Variants in ESR2 observed in about 807,000 individuals in gnomAD.
The protein encoded by ESR2 is estrogen receptor beta.
Under a neutral mutation model 49.6 loss-of-function variants are expected in ESR2, and 36 were observed. The ratio of observed to expected loss-of-function variants is 0.73; its 90% CI spans 0.56 to 0.96. The LOEUF (loss-of-function observed/expected upper bound fraction) is 0.96. ESR2 is among the 40% of genes least tolerant of loss of function. The pLI, the probability that ESR2 is intolerant of heterozygous loss-of-function variation, is 0.00. For synonymous variants in ESR2, 320 were observed against 266.1 expected, an observed-to-expected ratio of 1.20 and a Z score of -1.97; for missense variants, 714 against 693.0, an observed-to-expected ratio of 1.03 and a Z score of -0.34.
At chr14:64,235,302 C>G (rs2140619778) in intron 7 of ESR2, 152 bp from the exon 8 acceptor site, 8 of 747,398 alleles carry the variant, frequency 1.1e-5, no homozygotes, top group South Asian at 9.7e-5. Flanking sequence ...CTTACCTCCC[C>G]CAGGGGATCT....
At chr14:64,241,563 C>T (rs2075729512) in intron 7 of ESR2, among the ~76,000 whole-genome samples, 1 of 152,182 alleles carries the variant, frequency 6.6e-6, no homozygotes, top group Non-Finnish European at 1.5e-5. Flanking sequence ...CCATTAACAT[C>T]TCTCTCCATT....
At chr14:64,307,116 C>A (rs757745780) in intron 1 of ESR2, among the ~76,000 whole-genome samples, 1 of 151,354 alleles carries the variant, frequency 6.6e-6, no homozygotes, top group Non-Finnish European at 1.5e-5. Flanking sequence ...TGTAGGTTAT[C>A]TCCTTCATTC....
intron 3 of ESR2, among the ~76,000 whole-genome samples, chr14:64,270,606 G>A (rs2076424501): frequency 2.0e-5 from 3 of 152,128 alleles, no homozygotes; most frequent in Admixed American, 1.3e-4. Flanking sequence ...TGCCCCCCGG[G>A]TTCAAGTGAT....
downstream of ESR2, chr14:64,227,546 G>T (rs141329819): frequency 6.2e-7 from 1 of 1,614,182 alleles, no homozygotes; most frequent in Admixed American, 1.7e-5. Flanking sequence ...CTGCTCCATC[G>T]TTGCTTCAGG....
At position 64,234,991 on chromosome 14, in the gene ESR2, A is replaced by G. The variant is rs375446581; in HGVS notation, c.1385T>C (p.Leu462Pro). ...SMRLANLLMLLSHVRHASNKG... is the reference protein window; with the variant it reads ...SMRLANLLMLPSHVRHASNKG... ...GTACCTCGCATGCCTGACGTGGGAC[A>G]GGAGCATCAGGAGGTTAGCCAGGCG... Residue 462 changes from leucine (L) to proline (P), a missense_variant, in exon 8 of 9, where the codon CTG (leucine) becomes CCG (proline). Transcript: ENST00000341099. The G allele has an allele frequency of 2.0e-5, 32 of 1,614,112 alleles. No individual in the cohort carries two copies. The highest frequency in any genetic ancestry group is 4.5e-5 in the East Asian group (2 of 44,904).
intron 1 of ESR2, among the ~76,000 whole-genome samples, chr14:64,305,487 A>G (rs28560770): frequency 0.041 from 6,062 of 148,436 alleles, 212 homozygotes; most frequent in African/African-American, 0.097. Flanking sequence ...TGGCTAACAC[A>G]GTGAAACCCC....
chr14:64,314,877 C>CAAAAA (rs1179436563), intron 1 of ESR2, among the ~76,000 whole-genome samples: 4 of 20,486 alleles, frequency 2.0e-4, no homozygotes, highest in East Asian at 1.6e-3. Flanking sequence ...GACTCCGTCT[C>CAAAAA]AAAAAAAAAA....
chr14:64,261,232 C>CTTTCT (rs1555577156), intron 4 of ESR2, among the ~76,000 whole-genome samples: 179 of 88,650 alleles, frequency 2.0e-3, no homozygotes, highest in East Asian at 0.014. Flanking sequence ...TTTTATTTTT[C>CTTTCT]TTTTTTCTTT....
In ESR2 at chr14:64,235,082, C is replaced by T. The variant is rs377196538; in HGVS notation, c.1294G>A (p.Ala432Thr). Residue 432 changes from alanine (A) to threonine (T), a missense_variant, in exon 8 of 9, where the codon GCC becomes ACC. Coordinates refer to ENST00000341099, the MANE Select transcript of ESR2 (RefSeq NM_001437.3). ...SSRKLAHLLN[A>T]VTDALVWVIA... ...ACCCAAACCAAAGCATCGGTCACGG[C>T]GTTCAGCAAGTGAGCCAGCTTCCGG... The T allele has an allele frequency of 4.8e-5, 77 of 1,614,094 alleles. No homozygotes were observed. The African/African-American group carries it at 6.7e-4, about 14-fold the overall frequency.
At position 64,228,541 on chromosome 14, in the gene ESR2, G is replaced by A. The variant is rs776328301; in HGVS notation, c.*4596C>T. Among the ~76,000 whole-genome samples the A allele has an allele frequency of 9.2e-5, 14 of 152,172 alleles. No individual in the cohort carries two copies. Among genetic ancestry groups the A allele is most frequent in the African/African-American group, 1.4e-4 (6 of 41,426 alleles). On this transcript the variant is annotated 3_prime_UTR_variant, in exon 9 of 9. Transcript: ENST00000341099. ...ATTAGTGTAATGATACAAAGCATTCGTCTGAGAAAATGGCAAATTATAGCC... is the reference window on the plus strand; with the variant it reads ...ATTAGTGTAATGATACAAAGCATTCATCTGAGAAAATGGCAAATTATAGCC...
intron 7 of ESR2, among the ~76,000 whole-genome samples, chr14:64,248,195 A>G (rs2075906810): frequency 1.3e-5 from 2 of 151,968 alleles, no homozygotes; most frequent in African/African-American, 4.8e-5. Context: ...CCCTGTCTCA[A>G]AAAGAAAAGT....
chr14:64,258,013 T>C (rs2076139283), intron 5 of ESR2, among the ~76,000 whole-genome samples: 1 of 151,950 alleles, frequency 6.6e-6, no homozygotes, highest in Non-Finnish European at 1.5e-5. Context: ...ACCCAGGAGT[T>C]TGAGACCAGC....
chr14:64,241,462 A>T (rs2075727622), intron 7 of ESR2, among the ~76,000 whole-genome samples: 1 of 152,216 alleles, frequency 6.6e-6, no homozygotes, highest in African/African-American at 2.4e-5. Context: ...ACATGATTTT[A>T]AGAATCAGCT....
chr14:64,297,609 A>T (rs1295748586), upstream of ESR2: 1 of 152,186 alleles, frequency 6.6e-6, no homozygotes, highest in Admixed American at 6.5e-5. Context: ...CATAACACCC[A>T]CCTAGCACAA....
chr14:64,266,202 T>C (rs1171050939), intron 4 of ESR2, among the ~76,000 whole-genome samples: 5 of 152,240 alleles, frequency 3.3e-5, no homozygotes, highest in African/African-American at 1.2e-4. Flanking sequence ...AAAGCTCATA[T>C]GAGTTTTTCA....
intron 4 of ESR2, among the ~76,000 whole-genome samples, chr14:64,262,128 T>TTTA (rs533416647): frequency 7.6e-5 from 11 of 145,564 alleles, no homozygotes; most frequent in Middle Eastern, 3.5e-3. Context: ...TTTTTTTTTT[T>TTTA]AAGAGACAAG....
intron 2 of ESR2, among the ~76,000 whole-genome samples, chr14:64,280,910 T>C (rs1286620009): frequency 6.6e-6 from 1 of 152,116 alleles, no homozygotes; most frequent in Non-Finnish European, 1.5e-5. Context: ...CTTTGGAGGA[T>C]GAAGCAGGAG....
chr14:64,237,046 C>T (rs756172922), intron 7 of ESR2, among the ~76,000 whole-genome samples: 6 of 151,928 alleles, frequency 3.9e-5, no homozygotes, highest in Non-Finnish European at 5.9e-5. Flanking sequence ...CTGCAACCTC[C>T]GCCTCCCGGT....
upstream of ESR2, among the ~76,000 whole-genome samples, chr14:64,294,970 C>A (rs542982848): frequency 1.3e-5 from 2 of 152,328 alleles, no homozygotes; most frequent in East Asian, 3.9e-4. Flanking sequence ...CCGGCCACGG[C>A]GCCCTTCTCC....
Sources: gnomAD v4.1 joint callset for allele counts (sites outside exome capture counted in the v4.1 genomes callset) on GRCh38, gnomAD v4.1.1 for gene constraint, MANE v1.5 for transcripts, NCBI Gene and HGNC (gene_info 2026-07-23, HGNC 2026-07-21) for gene names.